Variants in ADAM17 observed in about 807,000 individuals in gnomAD.
The protein encoded by ADAM17 is ADAM metallopeptidase domain 17, also known as disintegrin and metalloproteinase domain-containing protein 17.
ADAM17 carries 39 observed loss-of-function variants against 96.7 expected under a neutral mutation model. That is an observed-to-expected ratio of 0.40 (90% CI 0.31 to 0.53). The LOEUF is 0.53. ADAM17 is among the 20% of genes least tolerant of loss of function. ADAM17 has a pLI of 0.44. For synonymous variants in ADAM17, 344 were observed against 359.2 expected (o/e 0.96, Z 0.48); for missense variants, 777 against 1,013.2 (o/e 0.77, Z 3.17).
chr2:9,509,553 T>G (rs866652943), intron 11 of ADAM17, among the ~76,000 whole-genome samples: 1 of 152,214 alleles, frequency 6.6e-6, no homozygotes, highest in Non-Finnish European at 1.5e-5. Context: ...CCATGAGGCT[T>G]GTAGTCAGGC....
At chr2:9,546,629 A>G (rs996763062) in intron 1 of ADAM17, among the ~76,000 whole-genome samples, 1 of 152,040 alleles carries the variant, frequency 6.6e-6, no homozygotes, top group African/African-American at 2.4e-5. Flanking sequence ...TTAAGTATAA[A>G]CCACCTGCTT....
Position 9,518,188 on chromosome 2 carries a change from T to A in ADAM17, c.1017A>T (p.Thr339=). The A allele has an allele frequency of 6.3e-7, 1 of 1,599,652 alleles. No homozygotes were observed. Among genetic ancestry groups the A allele is most frequent in the Non-Finnish European group, 8.5e-7 (1 of 1,176,360 alleles). The stretch of plus-strand genomic sequence containing the variant: ...GAGTTCCCATATCAAAATCTTGGTA[T>A]GTGAAAAGGTGTGCCAAGCAAACTT... The part of the protein sequence containing the change: ...ASKVCLAHLF[T]YQDFDMGTLG... The change falls in exon 9 of 19, where the codon ACA becomes ACT. Residue 339 remains threonine (T), a synonymous_variant. Coordinates refer to ENST00000310823, the MANE Select transcript of ADAM17 (RefSeq NM_003183.6).
At chr2:9,520,433 T>C (rs1309276085) in intron 8 of ADAM17, among the ~76,000 whole-genome samples, 1 of 152,188 alleles carries the variant, frequency 6.6e-6, no homozygotes, top group African/African-American at 2.4e-5. Flanking sequence ...AAATTTTAAA[T>C]TCCTGTAGAG....
rs1371583272 is a variant in ADAM17, at chr2:9,544,117, A to G, written c.98-832T>C. 3.9e-5 allele frequency among the ~76,000 whole-genome samples: 6 copies of G among 152,192 alleles called. No individual in the cohort carries two copies. The South Asian group carries it at 1.2e-3, about 32-fold the overall frequency. ...CAAACCCCTTCTTTATCCTCTACCC[A>G]ATACCCTACCCTCCTACCCTCCTAC... On this transcript the variant is annotated intron_variant, in intron 1 of 18. Transcript: ENST00000310823.
chr2:9,518,332 A>C, intron 8 of ADAM17, 85 bp from the exon 9 acceptor site: 2 of 1,398,596 alleles, frequency 1.4e-6, no homozygotes, highest in Non-Finnish European at 1.9e-6. Flanking sequence ...ATCTAAATCA[A>C]CTAAACATTC....
chr2:9,525,832 C>T (rs1664502010), intron 6 of ADAM17, among the ~76,000 whole-genome samples: 1 of 152,208 alleles, frequency 6.6e-6, no homozygotes, highest in African/African-American at 2.4e-5. Flanking sequence ...TTTTAAAGAA[C>T]TCACTTATAT....
At chr2:9,494,477 C>T (rs1662403687) in intron 15 of ADAM17, among the ~76,000 whole-genome samples, 160 bp downstream of exon 15, 1 of 152,194 alleles carries the variant, frequency 6.6e-6, no homozygotes, top group Admixed American at 6.5e-5. Flanking sequence ...CCTGAAAGCA[C>T]TCCGTCTTCT....
At chr2:9,550,030 T>C (rs973289855) in intron 1 of ADAM17, among the ~76,000 whole-genome samples, 2 of 152,124 alleles carry the variant, frequency 1.3e-5, no homozygotes, top group Non-Finnish European at 2.9e-5. Flanking sequence ...CCAGTACTGC[T>C]GTGAAGTGTT....
In ADAM17 at chr2:9,505,267, C is replaced by T. The variant is rs144137945; in HGVS notation, c.1443G>A (p.Ser481=). The T allele has an allele frequency of 6.2e-6, 10 of 1,614,052 alleles. No homozygotes were observed. The highest frequency in any genetic ancestry group is 1.7e-5 in the Admixed American group (1 of 60,008). Residue 481 remains serine, a synonymous_variant, in exon 12 of 19, where the codon TCG becomes TCA. Coordinates refer to ENST00000310823, the MANE Select transcript of ADAM17 (RefSeq NM_003183.6). ...CACACTCTTCTCCTTCATCCACCCT[C>T]GAGTTCCCACAAACTTTATTGCTGC... ...QERSNKVCGN[S]RVDEGEECDP... is the part of the protein sequence containing the mutation.
At chr2:9,544,534 GA>G (rs34099284) in intron 1 of ADAM17, among the ~76,000 whole-genome samples, 7 of 141,252 alleles carry the variant, frequency 5.0e-5, no homozygotes, top group African/African-American at 1.1e-4. Flanking sequence ...CTAGGCGGGG[GA>G]AAAAAGGCCG....
At chr2:9,533,473 G>A (rs1226408343) in intron 4 of ADAM17, among the ~76,000 whole-genome samples, 1 of 152,068 alleles carries the variant, frequency 6.6e-6, no homozygotes, top group Non-Finnish European at 1.5e-5. Context: ...CTTGAACCCA[G>A]GAGGCAGAGT....
At chr2:9,494,253 A>G (rs1426264323) in intron 15 of ADAM17, among the ~76,000 whole-genome samples, 1 of 152,236 alleles carries the variant, frequency 6.6e-6, no homozygotes, top group Non-Finnish European at 1.5e-5. Context: ...TAAGTCAAGC[A>G]GCCTTCTAGG....
chr2:9,534,576 T>C (rs1664882889), intron 4 of ADAM17, among the ~76,000 whole-genome samples: 1 of 152,126 alleles, frequency 6.6e-6, no homozygotes. Flanking sequence ...AATTTAGATC[T>C]ATATTAACAC....
At position 9,529,769 on chromosome 2, in the gene ADAM17, C is replaced by T. The variant is rs561455427; in HGVS notation, c.451-1815G>A. ...GGCAGATAACTTGAGTCCAGGAGTT[C>T]GAGAACAGCCTGACCAACACGGTGA... On this transcript the variant is annotated intron_variant, in intron 4 of 18. Transcript: ENST00000310823. Among the ~76,000 whole-genome samples, 7 of 152,086 alleles carry T rather than the reference C, an allele frequency of 4.6e-5. No homozygotes were observed. In the East Asian group the frequency reaches 7.8e-4, roughly 17 times the overall value.
chr2:9,555,601 C>T lies in ADAM17; in HGVS notation c.5G>A (p.Arg2Lys), dbSNP rs758557343. M[R>K]QSLLFLTSVV... ...GCTGGTCAGGAATAGGAGAGACTGCCTCATGTTCCCGGCCCCGCTACCGAC... is the reference window on the plus strand; with the variant it reads ...GCTGGTCAGGAATAGGAGAGACTGCTTCATGTTCCCGGCCCCGCTACCGAC... The change falls in exon 1 of 19, where the codon AGG (arginine) becomes AAG (lysine). Residue 2 changes from arginine to lysine, a missense_variant. Arg to Lys is a conservative substitution (Grantham distance 26, BLOSUM62 2). Coordinates refer to ENST00000310823, the MANE Select transcript of ADAM17 (RefSeq NM_003183.6). The T allele has an allele frequency of 3.2e-6, 5 of 1,575,848 alleles. No individual in the cohort carries two copies. In the South Asian group the frequency reaches 4.6e-5, roughly 15 times the overall value.
At chr2:9,522,509 T>C in intron 7 of ADAM17, 1 of 531,666 alleles carries the variant, frequency 1.9e-6, no homozygotes, top group East Asian at 2.9e-5. Flanking sequence ...TTTATACAAG[T>C]AATATCAAAG....
intron 4 of ADAM17, among the ~76,000 whole-genome samples, chr2:9,528,741 A>G (rs1432647822): frequency 6.6e-6 from 1 of 152,196 alleles, no homozygotes; most frequent in Non-Finnish European, 1.5e-5. Flanking sequence ...CCAATGGGGA[A>G]AAAAACCCCC....
At position 9,555,741 on chromosome 2, in the gene ADAM17, T is replaced by C; in HGVS notation, c.-136A>G. 4 of 682,050 alleles carry C rather than the reference T, an allele frequency of 5.9e-6. No individual in the cohort carries two copies. The highest frequency in any genetic ancestry group is 6.5e-5 in the East Asian group (2 of 30,642). The allele number at this position is 682,050 out of a possible 1,614,324, so 42.2% of individuals were successfully genotyped here. On this transcript the variant is annotated 5_prime_UTR_variant, in exon 1 of 19. Coordinates refer to ENST00000310823, the MANE Select transcript of ADAM17 (RefSeq NM_003183.6). ...ATCCTCTTTTCCCTCCCGCGCCGCC[T>C]ACTGGGAAGATTCTACCGCCAGGCT...
chr2:9,490,538 A>ATTGATTGATAGGAATAAT lies in ADAM17; in HGVS notation c.2134-21_2134-20insATTATTCCTATCAATCAA, dbSNP rs1558490172. The stretch of plus-strand genomic sequence containing the variant: ...GACGTTCTGCAAAGACATGGGTTCA[A>ATTGATTGATAGGAATAAT]TTGATTGATAGGAATAAAAGATGAA... On this transcript the variant is annotated intron_variant, in intron 18 of 18. Coordinates refer to ENST00000310823, the MANE Select transcript of ADAM17 (RefSeq NM_003183.6). 4 of 1,597,980 alleles carry ATTGATTGATAGGAATAAT rather than the reference A, an allele frequency of 2.5e-6. No homozygotes were observed. In the South Asian group the frequency reaches 4.5e-5, roughly 18 times the overall value.
Sources: allele counts gnomAD v4.1 joint callset (sites outside exome capture counted in the v4.1 genomes callset), GRCh38; gene constraint gnomAD v4.1.1; transcripts MANE v1.5; gene names NCBI Gene and HGNC (gene_info 2026-07-23, HGNC 2026-07-21).